PTPRD: variants seen among roughly 807,000 people sequenced by gnomAD.
PTPRD encodes the protein protein tyrosine phosphatase receptor type D, also known as receptor-type tyrosine-protein phosphatase delta.
In PTPRD, 34 loss-of-function variants were observed where a neutral mutation model predicts 214.5. The observed-to-expected ratio is 0.16, with a 90% CI of 0.12 to 0.21. The LOEUF is 0.21. PTPRD is among the 10% of genes least tolerant of loss of function. The pLI, the probability that PTPRD is intolerant of heterozygous loss-of-function variation, is 1.00. For missense variants in PTPRD, 2,545 were observed against 2,398.7 expected (o/e 1.06, Z -1.27); for synonymous variants, 1,128 against 845.7 (o/e 1.33, Z -5.79).
At chr9:9,181,682 T>C (rs2099928322) in intron 10 of PTPRD, among the ~76,000 whole-genome samples, 1 of 152,016 alleles carries the variant, frequency 6.6e-6, no homozygotes, top group Admixed American at 6.6e-5. Flanking sequence ...GGCTAATAAG[T>C]AGAAGACAAT....
At chr9:9,349,273 G>C (rs1596193412) in intron 9 of PTPRD, among the ~76,000 whole-genome samples, 1 of 152,152 alleles carries the variant, frequency 6.6e-6, no homozygotes, top group East Asian at 1.9e-4. Flanking sequence ...AGAACACTAA[G>C]ACATGCCAAG....
intron 11 of PTPRD, among the ~76,000 whole-genome samples, chr9:8,869,674 G>T (rs1314063345): frequency 6.6e-6 from 1 of 150,432 alleles, no homozygotes; most frequent in Non-Finnish European, 1.5e-5. Flanking sequence ...CATTTCCTAA[G>T]AAGCTAGCGG....
At chr9:9,506,922 T>C (rs868479289) in intron 8 of PTPRD, among the ~76,000 whole-genome samples, 9 of 151,374 alleles carry the variant, frequency 5.9e-5, no homozygotes, top group South Asian at 4.1e-4. Flanking sequence ...TTTAAGATTA[T>C]AGAAAATTAA....
chr9:9,262,613 G>T (rs1176430962), intron 9 of PTPRD, among the ~76,000 whole-genome samples: 1 of 151,376 alleles, frequency 6.6e-6, no homozygotes, highest in East Asian at 2.0e-4. Context: ...AAATGCCCTT[G>T]TATAGAAATG....
At chr9:10,255,333 C>T (rs987094636) in intron 3 of PTPRD, among the ~76,000 whole-genome samples, 6 of 152,058 alleles carry the variant, frequency 3.9e-5, no homozygotes, top group Non-Finnish European at 7.4e-5. Context: ...CCTATTGCTC[C>T]GAGGCTACAA....
intron 12 of PTPRD, among the ~76,000 whole-genome samples, chr9:8,663,687 T>C (rs866152813): frequency 1.6e-4 from 24 of 152,156 alleles, no homozygotes; most frequent in African/African-American, 4.8e-4. Context: ...GATGGAGTTT[T>C]ACCATGTTGG....
chr9:10,402,334 A>G (rs2098282591), intron 2 of PTPRD, among the ~76,000 whole-genome samples: 1 of 151,756 alleles, frequency 6.6e-6, no homozygotes, highest in Non-Finnish European at 1.5e-5. Flanking sequence ...TCTGAAGGGA[A>G]TCATATTCCA....
At chr9:8,785,725 G>A (rs774426184) in intron 11 of PTPRD, among the ~76,000 whole-genome samples, 17 of 152,182 alleles carry the variant, frequency 1.1e-4, no homozygotes, top group Non-Finnish European at 2.5e-4. Flanking sequence ...GCTGGCCATT[G>A]AGTAAAAATA....
Position 9,452,340 on chromosome 9 carries a change from G to C in PTPRD, c.-236-54858C>G, listed in dbSNP as rs563100141. On this transcript the variant is annotated intron_variant, in intron 8 of 45. Coordinates refer to ENST00000381196, the MANE Select transcript of PTPRD (RefSeq NM_002839.4). Reference sequence around the variant, plus strand: ...ATCTTTTAAAACTGAGAACAAAGTAGTAGAGTTTACTACCAATCATTTCTC... The same window carrying C: ...ATCTTTTAAAACTGAGAACAAAGTACTAGAGTTTACTACCAATCATTTCTC... Among the ~76,000 whole-genome samples, 11 of 151,558 alleles carry C rather than the reference G, an allele frequency of 7.3e-5. No individual in the cohort carries two copies. In the South Asian group the frequency reaches 1.9e-3, roughly 26 times the overall value.
chr9:9,584,684 C>T (rs1029421653), intron 7 of PTPRD, among the ~76,000 whole-genome samples: 22 of 152,054 alleles, frequency 1.4e-4, no homozygotes, highest in African/African-American at 3.9e-4. Flanking sequence ...CTCTCCTCCT[C>T]GCAGTTTTGC....
chr9:9,231,225 C>A (rs1203453488), intron 9 of PTPRD, among the ~76,000 whole-genome samples: 1 of 152,128 alleles, frequency 6.6e-6, no homozygotes, highest in Admixed American at 6.6e-5. Flanking sequence ...ACTTAAAAAA[C>A]AGACACAGAA....
At chr9:9,207,853 A>G (rs2099945836) in intron 9 of PTPRD, among the ~76,000 whole-genome samples, 1 of 151,952 alleles carries the variant, frequency 6.6e-6, no homozygotes, top group East Asian at 1.9e-4. Context: ...GTGCATCCAT[A>G]TAATAGAGAA....
rs766191884 is a variant in PTPRD at position 8,521,563 on chromosome 9, G to A, written c.692-17C>T. 6.2e-7 allele frequency: 1 copy of A among 1,610,020 alleles called. No homozygotes were observed. Among genetic ancestry groups the A allele is most frequent in the South Asian group, 1.1e-5 (1 of 90,764 alleles). ...CACGGCGAACTGGAACAAAACACAA[G>A]GGAAATGATAACATATACAAGGCAA... On this transcript the variant is annotated splice_polypyrimidine_tract_variant and intron_variant, in intron 19 of 45. Transcript: ENST00000381196.
intron 11 of PTPRD, among the ~76,000 whole-genome samples, chr9:8,747,173 A>C (rs2092919279): frequency 6.6e-6 from 1 of 152,174 alleles, no homozygotes; most frequent in Non-Finnish European, 1.5e-5. Context: ...TTTTTAAATC[A>C]TAGGTTTAAT....
chr9:10,082,817 A>ACG lies in PTPRD; in HGVS notation c.-544-49028_-544-49027insCG, dbSNP rs1327666629. Among the ~76,000 whole-genome samples, 179 of 129,908 alleles carry ACG rather than the reference A, an allele frequency of 1.4e-3. 6 individuals carry two copies. In the East Asian group the frequency reaches 0.038, roughly 27 times the overall value. The allele number at this position is 129,908 out of a possible 152,430, so 85.2% of individuals were successfully genotyped here. On this transcript the variant is annotated intron_variant, in intron 3 of 45. Transcript: ENST00000381196. ...CCCCTTTCTTCTACTCCTCCTACAC[A>ACG]CACACACACACACACACACACAAAC... is the stretch of plus-strand genomic sequence containing the variant.
intron 12 of PTPRD, among the ~76,000 whole-genome samples, chr9:8,721,727 G>C (rs2098501185): frequency 6.6e-6 from 1 of 152,142 alleles, no homozygotes; most frequent in African/African-American, 2.4e-5. Context: ...GAGACATAAA[G>C]TGATAAGGCA....
intron 11 of PTPRD, among the ~76,000 whole-genome samples, chr9:8,754,572 C>T (rs117116780): frequency 0.014 from 2,191 of 152,128 alleles, 26 homozygotes; most frequent in South Asian, 0.025. Flanking sequence ...ATACACTGAC[C>T]CTCTACCTCA....
intron 2 of PTPRD, among the ~76,000 whole-genome samples, chr9:10,360,193 C>G (rs2097351521): frequency 6.6e-6 from 1 of 152,206 alleles, no homozygotes; most frequent in Non-Finnish European, 1.5e-5. Flanking sequence ...AGTTCTTACT[C>G]TTGATTTGGA....
chr9:10,261,063 T>C (rs1312566031), intron 3 of PTPRD, among the ~76,000 whole-genome samples: 2 of 126,240 alleles, frequency 1.6e-5, no homozygotes, highest in Admixed American at 1.6e-4. Flanking sequence ...TATGTGTATA[T>C]ATATTATATA....
Sources: gnomAD v4.1 joint callset for allele counts (sites outside exome capture counted in the v4.1 genomes callset) on GRCh38, gnomAD v4.1.1 for gene constraint, MANE v1.5 for transcripts, NCBI Gene and HGNC (gene_info 2026-07-23, HGNC 2026-07-21) for gene names.